The following RPH3A variants were observed in gnomAD, a reference collection of about 807,000 sequenced individuals.
The protein encoded by RPH3A is rabphilin-3A.
RPH3A carries 48 observed loss-of-function variants against 102.2 expected under a neutral mutation model. The observed-to-expected ratio is 0.47, with a 90% CI of 0.37 to 0.60. RPH3A has a LOEUF of 0.60. Ranked by LOEUF, RPH3A falls within the 20% of genes least tolerant of loss-of-function variation. RPH3A has a pLI of 0.00. For missense variants in RPH3A, 781 were observed against 910.1 expected (o/e 0.86, Z 1.83); for synonymous variants, 310 against 324.3 (o/e 0.96, Z 0.47).
intron 1 of RPH3A, among the ~76,000 whole-genome samples, chr12:112,662,856 C>G (rs988652928): frequency 2.0e-5 from 3 of 151,780 alleles, no homozygotes; most frequent in Non-Finnish European, 2.9e-5. Context: ...TCATGGTGGC[C>G]CATTCTTCCC....
rs148007331 is a variant in RPH3A at position 112,859,121 on chromosome 12, C to A, written c.231-6293C>A. Among the ~76,000 whole-genome samples, 507 of 152,310 alleles carry A rather than the reference C, an allele frequency of 3.3e-3. 2 individuals are homozygous for A. Among genetic ancestry groups the A allele is most frequent in the Admixed American group, 8.4e-3 (128 of 15,308 alleles). On this transcript the variant is annotated intron_variant, in intron 5 of 21. Coordinates refer to ENST00000389385, the MANE Select transcript of RPH3A (RefSeq NM_001143854.2). ...AACCAGGCAGGCAAATAACACCAGG[C>A]AGCCAATGCAGACAGGGTCTACTCT... is the stretch of plus-strand genomic sequence containing the variant.
At chr12:112,764,947 G>A (rs1300291664) in intron 1 of RPH3A, among the ~76,000 whole-genome samples, 1 of 152,096 alleles carries the variant, frequency 6.6e-6, no homozygotes, top group African/African-American at 2.4e-5. Flanking sequence ...CCTGGTTGGT[G>A]TCTGACTGAT....
At chr12:112,891,776 G>A (rs1326765391) in intron 19 of RPH3A, among the ~76,000 whole-genome samples, 1 of 152,324 alleles carries the variant, frequency 6.6e-6, no homozygotes, top group East Asian at 1.9e-4. Flanking sequence ...GTCATTGGCT[G>A]GGAGCATGGC....
intron 5 of RPH3A, among the ~76,000 whole-genome samples, chr12:112,858,104 A>C (rs113332110): frequency 0.034 from 5,219 of 151,802 alleles, 294 homozygotes; most frequent in African/African-American, 0.11. Flanking sequence ...GAGACCTCAT[A>C]TCTATAAAAA....
chr12:112,684,415 T>C (rs2040248559), intron 1 of RPH3A, among the ~76,000 whole-genome samples: 1 of 151,914 alleles, frequency 6.6e-6, no homozygotes, highest in Non-Finnish European at 1.5e-5. Context: ...CCTGCTACCA[T>C]GCACAGCCAA....
At chr12:112,705,434 A>G (rs913939610) in intron 1 of RPH3A, among the ~76,000 whole-genome samples, 11 of 152,232 alleles carry the variant, frequency 7.2e-5, no homozygotes, top group African/African-American at 2.7e-4. Context: ...AAGGTATTCT[A>G]AGGAAATTCA....
intron 1 of RPH3A, among the ~76,000 whole-genome samples, chr12:112,604,780 C>G (rs2135970591): frequency 6.6e-6 from 1 of 152,298 alleles, no homozygotes; most frequent in East Asian, 1.9e-4. Context: ...AAATCCACTT[C>G]CAGGATGGCA....
intron 1 of RPH3A, among the ~76,000 whole-genome samples, chr12:112,597,897 C>G (rs2039529062): frequency 6.6e-6 from 1 of 152,192 alleles, no homozygotes; most frequent in South Asian, 2.1e-4. Context: ...GCAAGAGAAG[C>G]TGACTCATGC....
chr12:112,735,675 A>G (rs959099733), intron 1 of RPH3A, among the ~76,000 whole-genome samples: 18 of 152,190 alleles, frequency 1.2e-4, no homozygotes, highest in African/African-American at 4.3e-4. Context: ...CCCAGAATTT[A>G]GGGTTCACTA....
chr12:112,773,546 T>A (rs1277837015), intron 1 of RPH3A, among the ~76,000 whole-genome samples: 1 of 152,222 alleles, frequency 6.6e-6, no homozygotes. Flanking sequence ...TTTCATTTGC[T>A]ACTTTGAAAT....
chr12:112,614,198 T>C (rs573049293), intron 1 of RPH3A, among the ~76,000 whole-genome samples: 37 of 152,240 alleles, frequency 2.4e-4, no homozygotes, highest in African/African-American at 7.9e-4. Context: ...GAGAATAAAT[T>C]TGCATTGTTG....
intron 1 of RPH3A, among the ~76,000 whole-genome samples, chr12:112,742,708 T>C (rs1434311172): frequency 6.6e-6 from 1 of 152,202 alleles, no homozygotes; most frequent in African/African-American, 2.4e-5. Flanking sequence ...CATCCCAGCA[T>C]GGTGAGGACC....
At chr12:112,844,831 T>C (rs2042203191) in intron 4 of RPH3A, among the ~76,000 whole-genome samples, 1 of 152,236 alleles carries the variant, frequency 6.6e-6, no homozygotes, top group African/African-American at 2.4e-5. Flanking sequence ...GTGGCTTGGC[T>C]GGGCAGCCCT....
At chr12:112,767,639 C>A (rs2040899484) in intron 1 of RPH3A, among the ~76,000 whole-genome samples, 1 of 152,172 alleles carries the variant, frequency 6.6e-6, no homozygotes, top group South Asian at 2.1e-4. Flanking sequence ...CCAGCCCTTC[C>A]CCTCTCTGGT....
At chr12:112,613,493 C>T (rs1038831457) in intron 1 of RPH3A, among the ~76,000 whole-genome samples, 11 of 152,078 alleles carry the variant, frequency 7.2e-5, no homozygotes, top group African/African-American at 2.4e-4. Flanking sequence ...ATGTTACCTT[C>T]CAGCAAAAGG....
At chr12:112,775,027 T>A (rs560015915) in intron 1 of RPH3A, among the ~76,000 whole-genome samples, 2 of 146,354 alleles carry the variant, frequency 1.4e-5, no homozygotes, top group African/African-American at 5.1e-5. Flanking sequence ...ACATGGCATA[T>A]GGGAACAACA....
intron 1 of RPH3A, among the ~76,000 whole-genome samples, chr12:112,622,603 T>G (rs369190456): frequency 5.3e-5 from 8 of 149,772 alleles, no homozygotes; most frequent in African/African-American, 1.2e-4. Flanking sequence ...GAAAGTGATG[T>G]GGAGAATGGA....
chr12:112,874,719 T>C (rs2042764363), intron 10 of RPH3A: 1 of 217,788 alleles, frequency 4.6e-6, no homozygotes, highest in Non-Finnish European at 9.2e-6. Flanking sequence ...TTCTGAGCAT[T>C]GCCTGTTTGT....
intron 1 of RPH3A, among the ~76,000 whole-genome samples, chr12:112,649,701 A>G (rs1340610737): frequency 6.6e-6 from 1 of 152,196 alleles, no homozygotes; most frequent in African/African-American, 2.4e-5. Flanking sequence ...TTAGCCTGTT[A>G]CGGCTGCCAT....
Sources: gnomAD v4.1 joint callset for allele counts (sites outside exome capture counted in the v4.1 genomes callset) on GRCh38, gnomAD v4.1.1 for gene constraint, MANE v1.5 for transcripts, NCBI Gene and HGNC (gene_info 2026-07-23, HGNC 2026-07-21) for gene names.